The following DLGAP4 variants were observed in gnomAD, a reference collection of about 807,000 sequenced individuals.
DLGAP4 encodes disks large-associated protein 4.
A neutral mutation model predicts 86.9 loss-of-function variants in DLGAP4; 18 were observed. The ratio of observed to expected loss-of-function variants is 0.21; its 90% confidence interval spans 0.14 to 0.31. DLGAP4 has a LOEUF of 0.31. Ranked by LOEUF, DLGAP4 falls within the 10% of genes least tolerant of loss-of-function variation. DLGAP4 has a pLI of 1.00. For missense variants in DLGAP4, 1,085 were observed against 1,362.6 expected (o/e 0.80, Z 3.21); for synonymous variants, 548 against 574.3 (o/e 0.95, Z 0.65).
At chr20:36,418,174 C>T (rs932777225) in intron 2 of DLGAP4, among the ~76,000 whole-genome samples, 1 of 151,848 alleles carries the variant, frequency 6.6e-6, no homozygotes, top group Admixed American at 6.6e-5. Flanking sequence ...AGTACAATGG[C>T]GCGATCTTGG....
intron 10 of DLGAP4, among the ~76,000 whole-genome samples, chr20:36,509,432 G>A (rs1371818856): frequency 1.3e-5 from 2 of 152,004 alleles, no homozygotes; most frequent in Non-Finnish European, 1.5e-5. Context: ...TTAGCCGGGC[G>A]TGGTGGCAGG....
chr20:36,338,663 C>G lies in DLGAP4; in HGVS notation c.-303-28382C>G, dbSNP rs556604599. ...TGCAAGGCCCTGGGCCGACTGGCCTCTGTCCTTGGGGAGCCGTCGGTCCAG... is the reference window on the plus strand; with the variant it reads ...TGCAAGGCCCTGGGCCGACTGGCCTGTGTCCTTGGGGAGCCGTCGGTCCAG... On this transcript the variant is annotated intron_variant, in intron 1 of 12. Transcript: ENST00000339266. 4.7e-4 allele frequency among the ~76,000 whole-genome samples: 71 copies of G among 152,376 alleles called. 2 individuals are homozygous for G. The South Asian group carries it at 0.014, about 30-fold the overall frequency.
chr20:36,350,937 T>C lies in DLGAP4; in HGVS notation c.-303-16108T>C, dbSNP rs2030128702. The stretch of plus-strand genomic sequence containing the variant: ...AATCCCAAAGGCCTAGGGAGTCAGG[T>C]GCCACGCCGGGGCAGCTGCATTGTT... On this transcript the variant is annotated intron_variant, in intron 1 of 12. Coordinates refer to ENST00000339266, the MANE Select transcript of DLGAP4 (RefSeq NM_001365621.2). The surrounding 1 kb of genome is among the most constrained non-coding windows in gnomAD (Gnocchi z 4.4). Among the ~76,000 whole-genome samples the C allele has an allele frequency of 6.6e-6, 1 of 152,234 alleles. No individual in the cohort carries two copies. The highest frequency in any genetic ancestry group is 1.5e-5 in the Non-Finnish European group (1 of 68,032).
rs2037819699 is a variant in DLGAP4 at position 36,527,116 on chromosome 20, G to A, written c.*85G>A. 9 of 1,370,138 alleles carry A rather than the reference G, an allele frequency of 6.6e-6. No individual in the cohort carries two copies. Among genetic ancestry groups the A allele is most frequent in the South Asian group, 1.5e-5 (1 of 68,476 alleles). 84.9% of individuals were successfully genotyped at this position (1,370,138 alleles called of 1,614,324 possible). ...ACGGAACAGAGTTTTCTCAACCTTT[G>A]CTATGGTTATTCTGTCTAGAGACCC... On this transcript the variant is annotated 3_prime_UTR_variant, in exon 13 of 13. Transcript: ENST00000339266.
intron 2 of DLGAP4, among the ~76,000 whole-genome samples, chr20:36,423,335 A>G (rs2032881289): frequency 6.6e-6 from 1 of 151,692 alleles, no homozygotes; most frequent in South Asian, 2.1e-4. Context: ...AGGCAACTGT[A>G]ATCCCAGCTA....
In DLGAP4 at chr20:36,443,245, C is replaced by A. The variant is rs1191807149; in HGVS notation, c.1407+468C>A. 2.0e-5 allele frequency among the ~76,000 whole-genome samples: 3 copies of A among 152,136 alleles called. No homozygotes were observed. In the East Asian group the frequency reaches 5.8e-4, roughly 29 times the overall value. On this transcript the variant is annotated intron_variant, in intron 6 of 12. Transcript: ENST00000339266. The stretch of plus-strand genomic sequence containing the variant: ...TGGGGTGTTGGAGTGTGTGTGGAGA[C>A]TTTCCAACTTCACACAGGTTGGTGA...
Position 36,431,566 on chromosome 20 carries a change from C to A in DLGAP4, c.-72-80C>A, listed in dbSNP as rs535176223. On this transcript the variant is annotated intron_variant, in intron 2 of 12. Coordinates refer to ENST00000339266, the MANE Select transcript of DLGAP4 (RefSeq NM_001365621.2). The surrounding 1 kb of genome is among the most constrained non-coding windows in gnomAD (Gnocchi z 5.1). The stretch of plus-strand genomic sequence containing the variant: ...GGCTTCAGAGATCCTCCCAGCCTTG[C>A]GATCTGGATCTGACCTTCCCGGCAC... The A allele has an allele frequency of 2.1e-5, 18 of 844,060 alleles. No individual in the cohort carries two copies. Among genetic ancestry groups the A allele is most frequent in the Middle Eastern group, 3.6e-4 (1 of 2,770 alleles). 52.3% of individuals were successfully genotyped at this position (844,060 alleles called of 1,614,324 possible). A position where few individuals can be genotyped will look rare whatever the true frequency, so the allele number is the denominator to read the frequency against.
rs548168402 is a variant in DLGAP4 at position 36,371,993 on chromosome 20, C to T, written c.-73+4718C>T. On this transcript the variant is annotated intron_variant, in intron 2 of 12. Transcript: ENST00000339266. ...ATCTTGCCTAGGGTACTTCTTCTCTCCTGCTACCCACCTCAATGGGATAAG... is the reference window on the plus strand; with the variant it reads ...ATCTTGCCTAGGGTACTTCTTCTCTTCTGCTACCCACCTCAATGGGATAAG... 2.0e-5 allele frequency among the ~76,000 whole-genome samples: 3 copies of T among 152,156 alleles called. No individual in the cohort carries two copies. The South Asian group carries it at 6.2e-4, about 32-fold the overall frequency.
intron 2 of DLGAP4, among the ~76,000 whole-genome samples, chr20:36,427,205 G>A (rs1326375707): frequency 6.6e-6 from 1 of 152,090 alleles, no homozygotes. Flanking sequence ...GAGGCTGGGT[G>A]CAATGGCTCA....
chr20:36,328,808 T>C (rs963336727), intron 1 of DLGAP4, among the ~76,000 whole-genome samples: 2 of 150,316 alleles, frequency 1.3e-5, no homozygotes, highest in East Asian at 3.9e-4. Context: ...ACGGAGTCTC[T>C]CTCTATTATC....
At chr20:36,478,255 G>A (rs2035033442) in intron 7 of DLGAP4, among the ~76,000 whole-genome samples, 2 of 152,146 alleles carry the variant, frequency 1.3e-5, no homozygotes, top group Admixed American at 1.3e-4. Flanking sequence ...GATACAGCGT[G>A]AGGAGTCTTC....
In DLGAP4 at chr20:36,527,280, T is replaced by C. The variant is rs2037829939; in HGVS notation, c.*249T>C. On this transcript the variant is annotated 3_prime_UTR_variant, in exon 13 of 13. Coordinates refer to ENST00000339266, the MANE Select transcript of DLGAP4 (RefSeq NM_001365621.2). Reference sequence around the variant, plus strand: ...AAACTAGAAAACTTTTTTTTTCCTCTTGCTGGCCGTGGTGGACTAGATAGA... The same window carrying C: ...AAACTAGAAAACTTTTTTTTTCCTCCTGCTGGCCGTGGTGGACTAGATAGA... The C allele has an allele frequency of 5.3e-6, 2 of 379,304 alleles. No individual in the cohort carries two copies. The highest frequency in any genetic ancestry group is 8.5e-5 in the South Asian group (2 of 23,488). The allele number at this position is 379,304 out of a possible 1,614,324, so 23.5% of individuals were successfully genotyped here.
In DLGAP4 at chr20:36,500,467, T is replaced by C; in HGVS notation, c.2368T>C (p.Ser790Pro). 1.3e-6 allele frequency: 2 copies of C among 1,586,586 alleles called. No homozygotes were observed. Among genetic ancestry groups the C allele is most frequent in the South Asian group, 1.1e-5 (1 of 87,358 alleles). The change falls in exon 10 of 13, where the codon TCC becomes CCC. Residue 790 changes from serine (S) to proline (P), a missense_variant. Transcript: ENST00000339266. This position sits in a 1 kb window ranked among gnomAD's most constrained non-coding sequence, Gnocchi z 4.6. ...PDPWLETSSS[S>P]PAEPAQPGAC... ...CCCCTGGCTCGAGACCTCCTCCAGCTCCCCAGCAGAGCCGGCACAGCCAGG... is the reference window on the plus strand; with the variant it reads ...CCCCTGGCTCGAGACCTCCTCCAGCCCCCCAGCAGAGCCGGCACAGCCAGG...
intron 11 of DLGAP4, among the ~76,000 whole-genome samples, chr20:36,525,099 T>A (rs2037627001): frequency 6.8e-6 from 1 of 147,628 alleles, no homozygotes. Flanking sequence ...GTGCCTGTAG[T>A]CCCAGCTACT....
intron 2 of DLGAP4, among the ~76,000 whole-genome samples, chr20:36,401,107 C>T (rs111347170): frequency 7.2e-5 from 11 of 152,166 alleles, no homozygotes; most frequent in Non-Finnish European, 7.3e-5. Context: ...AACCTGGCCC[C>T]GGCCAATTGG....
intron 10 of DLGAP4, among the ~76,000 whole-genome samples, chr20:36,505,043 C>T (rs951019725): frequency 5.9e-5 from 9 of 151,492 alleles, no homozygotes; most frequent in Admixed American, 4.6e-4. Context: ...ACTGGAGTGC[C>T]GTGACGTGAT....
intron 2 of DLGAP4, among the ~76,000 whole-genome samples, chr20:36,399,675 G>A (rs2032099614): frequency 6.6e-6 from 1 of 152,240 alleles, no homozygotes; most frequent in African/African-American, 2.4e-5. Context: ...AGAGTTGAAT[G>A]AGTTTCAACT....
intron 4 of DLGAP4, 69 bp from the exon 5 acceptor site, chr20:36,439,685 G>C: frequency 7.2e-7 from 1 of 1,386,898 alleles, no homozygotes; most frequent in Non-Finnish European, 1.0e-6. Flanking sequence ...ATCACAGATG[G>C]TCAAGGCCTC....
intron 2 of DLGAP4, among the ~76,000 whole-genome samples, chr20:36,401,396 C>T (rs1217773211): frequency 6.6e-6 from 1 of 152,188 alleles, no homozygotes; most frequent in Non-Finnish European, 1.5e-5. Context: ...GGAGGGGGCT[C>T]TGAGCTGAGA....
Sources: gnomAD v4.1 joint callset for allele counts (sites outside exome capture counted in the v4.1 genomes callset) on GRCh38, gnomAD v4.1.1 for gene constraint, Gnocchi (gnomAD v3.1) non-coding constraint, MANE v1.5 for transcripts, NCBI Gene and HGNC (gene_info 2026-07-23, HGNC 2026-07-21) for gene names.